PCDHA10: variants seen among roughly 807,000 people sequenced by gnomAD.
PCDHA10 encodes the protein protocadherin alpha-10.
In PCDHA10, 45 loss-of-function variants were observed where a neutral mutation model predicts 61.2. That is an observed-to-expected ratio of 0.74 (90% CI 0.58 to 0.94). The LOEUF (loss-of-function observed/expected upper bound fraction) is 0.94. Among genes scored for constraint, PCDHA10 ranks in the 40% least tolerant of loss-of-function variants. The pLI is 0.00. For synonymous variants in PCDHA10, 602 were observed against 548.8 expected (o/e 1.10, Z -1.35); for missense variants, 1,278 against 1,236.2 (o/e 1.03, Z -0.51).
intron 1 of PCDHA10, among the ~76,000 whole-genome samples, chr5:140,873,716 A>G (rs1476838319): frequency 6.6e-6 from 1 of 152,184 alleles, no homozygotes; most frequent in Non-Finnish European, 1.5e-5. Context: ...GCTGGTGTGC[A>G]GTGGCGCAAT....
chr5:141,002,494 C>CGGT (rs2098083464), intron 3 of PCDHA10, among the ~76,000 whole-genome samples: 1 of 152,228 alleles, frequency 6.6e-6, no homozygotes, highest in Admixed American at 6.5e-5. Flanking sequence ...CCTTGTTATA[C>CGGT]AGCTCAGGAT....
At chr5:140,935,394 G>C (rs959098226) in intron 1 of PCDHA10, among the ~76,000 whole-genome samples, 2 of 152,088 alleles carry the variant, frequency 1.3e-5, no homozygotes, top group East Asian at 3.8e-4. Context: ...GTTATCCCAC[G>C]GGACTCAAAC....
intron 1 of PCDHA10, among the ~76,000 whole-genome samples, chr5:140,933,324 G>A (rs563163291): frequency 5.3e-5 from 8 of 151,904 alleles, no homozygotes; most frequent in Non-Finnish European, 1.2e-4. Context: ...GTATTCTCCT[G>A]TGCTGTAGAG....
intron 1 of PCDHA10, among the ~76,000 whole-genome samples, chr5:140,937,108 G>A (rs1014984809): frequency 7.3e-5 from 11 of 151,276 alleles, no homozygotes; most frequent in Non-Finnish European, 1.5e-4. Context: ...CGCAGTCTCG[G>A]CTCACTGCAA....
intron 3 of PCDHA10, among the ~76,000 whole-genome samples, chr5:141,000,412 TA>T (rs2097919630): frequency 4.9e-5 from 5 of 102,770 alleles, no homozygotes; most frequent in Non-Finnish European, 5.8e-5. Context: ...TATATATATA[TA>T]TATATATATT....
At chr5:141,006,372 C>T (rs781874533) in intron 3 of PCDHA10, among the ~76,000 whole-genome samples, 10 of 151,926 alleles carry the variant, frequency 6.6e-5, no homozygotes, top group Non-Finnish European at 1.0e-4. Context: ...CCACCACGCC[C>T]GGCTAAGTTT....
At chr5:140,917,519 T>C (rs1554198226) in intron 1 of PCDHA10, among the ~76,000 whole-genome samples, 1 of 152,256 alleles carries the variant, frequency 6.6e-6, no homozygotes, top group East Asian at 1.9e-4. Context: ...GGTTTTATTC[T>C]ACGGTTTGTA....
intron 1 of PCDHA10, chr5:140,870,786 G>T: frequency 6.2e-7 from 1 of 1,613,634 alleles, no homozygotes; most frequent in East Asian, 2.2e-5. Context: ...ACGACAACGC[G>T]CCGGCACTGC....
At chr5:140,869,790 A>G (rs782009264) in intron 1 of PCDHA10, 4 of 1,612,954 alleles carry the variant, frequency 2.5e-6, no homozygotes, top group African/African-American at 1.3e-5. Context: ...TTCGGCTGTT[A>G]GTCCAAGTCT....
chr5:140,913,237 C>A (rs2076260841), intron 1 of PCDHA10, among the ~76,000 whole-genome samples: 1 of 152,080 alleles, frequency 6.6e-6, no homozygotes, highest in Non-Finnish European at 1.5e-5. Context: ...TGCTGGGAGA[C>A]TTTTTGTTAC....
chr5:140,933,539 G>A (rs1173969458), intron 1 of PCDHA10, among the ~76,000 whole-genome samples: 1 of 152,018 alleles, frequency 6.6e-6, no homozygotes, highest in Non-Finnish European at 1.5e-5. Flanking sequence ...TCAAAATAAT[G>A]TTAATATAAA....
At chr5:140,925,671 A>AATAATAATAATAATG (rs1445697337) in intron 1 of PCDHA10, among the ~76,000 whole-genome samples, 106 of 148,180 alleles carry the variant, frequency 7.2e-4, no homozygotes, top group African/African-American at 2.6e-3. Context: ...TAATAATAAT[A>AATAATAATAATAATG]ATAATAAAGC....
chr5:140,984,389 A>T (rs1346769556), intron 3 of PCDHA10, among the ~76,000 whole-genome samples: 2 of 152,208 alleles, frequency 1.3e-5, no homozygotes, highest in African/African-American at 4.8e-5. Flanking sequence ...AGATTCAAAA[A>T]ATGTTGAGAA....
intron 1 of PCDHA10, chr5:140,966,748 T>G: frequency 1.4e-6 from 2 of 1,426,956 alleles, no homozygotes; most frequent in Non-Finnish European, 1.8e-6. Flanking sequence ...CCCGGCTGCC[T>G]CCGCCGCGGC....
At chr5:140,884,054 G>A (rs1313975286) in intron 1 of PCDHA10, 1 of 1,613,390 alleles carries the variant, frequency 6.2e-7, no homozygotes, top group Non-Finnish European at 8.5e-7. Flanking sequence ...GAAGGTGCGC[G>A]CGGTGGACGC....
intron 1 of PCDHA10, chr5:140,967,958 C>T (rs202159883): frequency 5.6e-6 from 9 of 1,614,182 alleles, no homozygotes; most frequent in East Asian, 2.2e-5. Flanking sequence ...AGGCCCCAAC[C>T]GGAAAGTGAG....
At chr5:140,967,092 C>A (rs782344374) in intron 1 of PCDHA10, 4 of 1,613,156 alleles carry the variant, frequency 2.5e-6, no homozygotes, top group Non-Finnish European at 2.5e-6. Context: ...GATCGGGAGG[C>A]GCTGTGTGAG....
chr5:140,862,874 T>G (rs2047608966), intron 1 of PCDHA10: 1 of 568,426 alleles, frequency 1.8e-6, no homozygotes, highest in South Asian at 1.4e-5. Context: ...CTGCCAGGTA[T>G]TAGTGCTGGA....
chr5:140,926,905 G>A (rs1228610236), intron 1 of PCDHA10: 1 of 1,558,988 alleles, frequency 6.4e-7, no homozygotes, highest in Admixed American at 1.8e-5. Flanking sequence ...GGTGGGCTGT[G>A]GGGTGGCAGT....
Sources: gnomAD v4.1 joint callset for allele counts (sites outside exome capture counted in the v4.1 genomes callset) on GRCh38, gnomAD v4.1.1 for gene constraint, MANE v1.5 for transcripts, NCBI Gene and HGNC (gene_info 2026-07-23, HGNC 2026-07-21) for gene names.